The following SCHIP1 variants were observed in gnomAD, a reference collection of about 807,000 sequenced individuals.
The protein encoded by SCHIP1 is schwannomin interacting protein 1, also known as schwannomin-interacting protein 1.
In SCHIP1, 8 loss-of-function variants were observed where a neutral mutation model predicts 29.7. That is an observed-to-expected ratio of 0.27 (90% CI 0.16 to 0.49). The LOEUF is 0.49. Ranked by LOEUF, SCHIP1 falls within the 20% of genes least tolerant of loss-of-function variation. The pLI is 0.99. For synonymous variants in SCHIP1, 76 were observed against 94.9 expected, an observed-to-expected ratio of 0.80 and a Z score of 1.16; for missense variants, 193 against 294.6, an observed-to-expected ratio of 0.66 and a Z score of 2.52.
At chr3:159,764,091 C>G in the SCHIP1 span, 1 of 224,934 alleles carries the variant, frequency 4.4e-6, no homozygotes, top group South Asian at 1.8e-4. This position sits in a 1 kb window ranked among gnomAD's most constrained non-coding sequence, Gnocchi z 6.1. Flanking sequence ...GTCTGGTTCT[C>G]GGAGAATCCT....
At chr3:159,707,664 C>T in the SCHIP1 span, among the ~76,000 whole-genome samples, 4 of 152,122 alleles carry the variant, frequency 2.6e-5, no homozygotes, top group East Asian at 1.9e-4. Context: ...CTGTTATGAA[C>T]GAGATCCCAT....
At chr3:159,553,865 A>G in the SCHIP1 span, among the ~76,000 whole-genome samples, 24 of 152,090 alleles carry the variant, frequency 1.6e-4, no homozygotes, top group Non-Finnish European at 3.1e-4. Context: ...CAGTGGTGCA[A>G]TCTCAGCTCA....
At chr3:159,360,104 A>C in the SCHIP1 span, among the ~76,000 whole-genome samples, 1 of 152,204 alleles carries the variant, frequency 6.6e-6, no homozygotes, top group Non-Finnish European at 1.5e-5. Flanking sequence ...CTGGACCCAG[A>C]GGAGCCCTCC....
At chr3:159,447,690 C>T in the SCHIP1 span, among the ~76,000 whole-genome samples, 1 of 152,190 alleles carries the variant, frequency 6.6e-6, no homozygotes, top group East Asian at 1.9e-4. Context: ...TTCTCCCACC[C>T]TGCTTCCCAG....
the SCHIP1 span, among the ~76,000 whole-genome samples, chr3:159,741,960 G>A: frequency 6.6e-6 from 1 of 152,234 alleles, no homozygotes; most frequent in Non-Finnish European, 1.5e-5. Flanking sequence ...GCTGGGCACG[G>A]TGGGTCACAC....
the SCHIP1 span, among the ~76,000 whole-genome samples, chr3:159,495,731 TTTCTTCACAGAA>T: frequency 6.6e-6 from 1 of 152,178 alleles, no homozygotes; most frequent in Middle Eastern, 3.2e-3. Flanking sequence ...TACCAATGAC[TTTCTTCACAGAA>T]TTGGAAAAAA....
chr3:159,844,456 C>G (rs1291036817), intron 1 of SCHIP1, among the ~76,000 whole-genome samples: 5 of 152,200 alleles, frequency 3.3e-5, no homozygotes, highest in Non-Finnish European at 5.9e-5. Flanking sequence ...TACTTTTCTT[C>G]CTTACAGGAT....
chr3:159,526,278 C>T, the SCHIP1 span, among the ~76,000 whole-genome samples: 3 of 152,154 alleles, frequency 2.0e-5, no homozygotes, highest in African/African-American at 7.2e-5. Context: ...AAGCGATCAT[C>T]CCACCTCAGC....
the SCHIP1 span, among the ~76,000 whole-genome samples, chr3:159,695,844 A>G: frequency 6.6e-6 from 1 of 152,124 alleles, no homozygotes; most frequent in African/African-American, 2.4e-5. Flanking sequence ...AGAAACCTAC[A>G]GTTGATCCAA....
chr3:159,891,007 A>G (rs1717466990), intron 5 of SCHIP1, among the ~76,000 whole-genome samples: 1 of 152,116 alleles, frequency 6.6e-6, no homozygotes, highest in African/African-American at 2.4e-5. Flanking sequence ...AGCAAGAGAG[A>G]GCCTTTGCTT....
chr3:159,507,007 G>A, the SCHIP1 span, among the ~76,000 whole-genome samples: 1 of 152,202 alleles, frequency 6.6e-6, no homozygotes, highest in African/African-American at 2.4e-5. Flanking sequence ...TGTGAACAAA[G>A]TCATTGGTAG....
At chr3:159,288,286 A>G in the SCHIP1 span, among the ~76,000 whole-genome samples, 5 of 152,246 alleles carry the variant, frequency 3.3e-5, no homozygotes, top group Non-Finnish European at 5.9e-5. Context: ...AAAAATAAAT[A>G]ACATATTTCT....
At chr3:159,750,217 T>C in the SCHIP1 span, among the ~76,000 whole-genome samples, 1 of 149,190 alleles carries the variant, frequency 6.7e-6, no homozygotes, top group Admixed American at 6.7e-5. Context: ...TCCAAGCAGA[T>C]GCACTGGTCA....
At chr3:159,562,336 A>G in the SCHIP1 span, among the ~76,000 whole-genome samples, 1 of 152,214 alleles carries the variant, frequency 6.6e-6, no homozygotes, top group Non-Finnish European at 1.5e-5. Flanking sequence ...AGGAAAGTAT[A>G]GTTTGTAACC....
chr3:159,424,422 C>T, the SCHIP1 span, among the ~76,000 whole-genome samples: 1 of 152,070 alleles, frequency 6.6e-6, no homozygotes, highest in Admixed American at 6.5e-5. Context: ...ATGTGATCAA[C>T]TGGATATCAG....
the SCHIP1 span, among the ~76,000 whole-genome samples, chr3:159,378,025 G>T: frequency 1.3e-5 from 2 of 152,218 alleles, no homozygotes; most frequent in South Asian, 2.1e-4. Context: ...CACAGCATAT[G>T]AAGGCAGAAT....
chr3:159,367,673 A>G, the SCHIP1 span, among the ~76,000 whole-genome samples: 2 of 152,244 alleles, frequency 1.3e-5, no homozygotes, highest in South Asian at 2.1e-4. Flanking sequence ...CAATTTATCC[A>G]TACATCAGAT....
At chr3:159,506,202 G>T in the SCHIP1 span, among the ~76,000 whole-genome samples, 5 of 152,274 alleles carry the variant, frequency 3.3e-5, no homozygotes, top group Admixed American at 3.3e-4. Flanking sequence ...GTTTTGATTT[G>T]CATTTCTCTG....
the SCHIP1 span, among the ~76,000 whole-genome samples, chr3:159,711,189 TA>T: frequency 9.1e-3 from 1,351 of 148,860 alleles, 22 homozygotes; most frequent in Non-Finnish European, 0.013. Flanking sequence ...GAAAGAATAA[TA>T]TTCTTTAAGA....
Sources: allele counts gnomAD v4.1 joint callset (sites outside exome capture counted in the v4.1 genomes callset), GRCh38; gene constraint gnomAD v4.1.1; non-coding constraint Gnocchi (gnomAD v3.1); transcripts MANE v1.5; gene names NCBI Gene and HGNC (gene_info 2026-07-23, HGNC 2026-07-21).